Variants in FAAH2 observed in about 807,000 individuals in gnomAD.
FAAH2 encodes the protein fatty-acid amide hydrolase 2.
In FAAH2, 60 loss-of-function variants were observed where a neutral mutation model predicts 36.9. That is an observed-to-expected ratio of 1.63 (90% CI 1.32 to 2.02). The LOEUF (loss-of-function observed/expected upper bound fraction) is 2.02. Among genes scored for constraint, FAAH2 ranks in the 30% most tolerant of loss-of-function variants. The pLI is 0.00. For missense variants in FAAH2, 689 were observed against 397.5 expected (o/e 1.73, Z -6.23); for synonymous variants, 214 against 143.8 (o/e 1.49, Z -3.49).
At chrX:57,461,602 A>T (rs1004247239) in intron 10 of FAAH2, among the ~76,000 whole-genome samples, 8 of 111,599 alleles carry the variant, frequency 7.2e-5, no homozygotes, top group African/African-American at 2.6e-4. Flanking sequence ...TTTGAAACCA[A>T]TGAGAACCAA....
At position 57,292,597 on chromosome X, in the gene FAAH2, T is replaced by C. The variant is rs1364375184; in HGVS notation, c.275+17T>C. 8.5e-7 allele frequency: 1 copy of C among 1,171,106 alleles called. No homozygotes were observed. Among genetic ancestry groups the C allele is most frequent in the South Asian group, 1.9e-5 (1 of 53,737 alleles). On this transcript the variant is annotated intron_variant, in intron 2 of 10. Coordinates refer to ENST00000374900, the MANE Select transcript of FAAH2 (RefSeq NM_174912.4). ...CAAGTACAGGTGAGCATTTCCACTC[T>C]CTCAAGGAGTCATTTATGGTGGTTT...
In FAAH2 at chrX:57,431,787, G is replaced by GTTTTTTTTTTTTTTTTTT. The variant is rs58140227; in HGVS notation, c.997-123_997-122insTTTTTTTTTTTTTTTTTT. ...TGTTTTTTTGTTTTTTTGTTTTTTT[G>GTTTTTTTTTTTTTTTTTT]TTTTTTTTGGTGTTTCCATGGGGCA... On this transcript the variant is annotated intron_variant, in intron 7 of 10. Coordinates refer to ENST00000374900, the MANE Select transcript of FAAH2 (RefSeq NM_174912.4). 18 of 129,268 alleles carry GTTTTTTTTTTTTTTTTTT rather than the reference G, an allele frequency of 1.4e-4. 1 individual carries two copies. Among genetic ancestry groups the GTTTTTTTTTTTTTTTTTT allele is most frequent in the East Asian group, 2.5e-4 (1 of 3,993 alleles). 10.7% of individuals were successfully genotyped at this position (129,268 alleles called of 1,213,427 possible).
chrX:57,127,708 C>T, the FAAH2 span, among the ~76,000 whole-genome samples: 1 of 111,356 alleles, frequency 9.0e-6, no homozygotes, highest in South Asian at 3.7e-4. Context: ...AGACCTTTCT[C>T]TATCTCATTT....
At chrX:57,395,322 T>C in intron 7 of FAAH2, 1 of 662,980 alleles carries the variant, frequency 1.5e-6, no homozygotes, top group Non-Finnish European at 2.4e-6. Context: ...ACCAGGTACT[T>C]GTCCTTCAAC....
At chrX:57,452,075 G>A in intron 10 of FAAH2, 1 of 546,241 alleles carries the variant, frequency 1.8e-6, no homozygotes, top group East Asian at 1.8e-4. Flanking sequence ...ACAGATGGAA[G>A]GAAACAGCTT....
intron 3 of FAAH2, among the ~76,000 whole-genome samples, chrX:57,325,543 G>C (rs190135779): frequency 8.3e-4 from 91 of 109,911 alleles, no homozygotes; most frequent in Non-Finnish European, 7.6e-4. Flanking sequence ...TTCAGAGATT[G>C]AACTTCTTCC....
chrX:57,231,066 T>TGTGTGTGTGTGTGTGTGA, the FAAH2 span, among the ~76,000 whole-genome samples: 27 of 108,449 alleles, frequency 2.5e-4, no homozygotes, highest in African/African-American at 8.8e-4. Flanking sequence ...TGTGTGTGTG[T>TGTGTGTGTGTGTGTGTGA]GAGTGTGTGT....
chrX:57,422,257 A>G (rs758400500), intron 7 of FAAH2, among the ~76,000 whole-genome samples: 1 of 111,997 alleles, frequency 8.9e-6, no homozygotes, highest in East Asian at 2.8e-4. Flanking sequence ...CAGGCCAAAT[A>G]GGAGATATGT....
chrX:57,398,471 C>T (rs950958230), intron 7 of FAAH2, among the ~76,000 whole-genome samples: 2 of 111,798 alleles, frequency 1.8e-5, no homozygotes, highest in Admixed American at 9.4e-5. Context: ...TTTCTTCTCC[C>T]TCAGGAATGG....
At chrX:57,346,411 T>A (rs2053822883) in intron 5 of FAAH2, among the ~76,000 whole-genome samples, 1 of 111,988 alleles carries the variant, frequency 8.9e-6, no homozygotes, top group South Asian at 3.7e-4. Flanking sequence ...TGGTTTAAGA[T>A]CTGTTTTATC....
chrX:57,295,592 AGTGCTGGACAGTGG>A (rs2052116018), intron 2 of FAAH2, among the ~76,000 whole-genome samples: 1 of 111,591 alleles, frequency 9.0e-6, no homozygotes, highest in African/African-American at 3.3e-5. Flanking sequence ...CTCACTGGGG[AGTGCTGGACAGTGG>A]GTGCAGGACA....
At chrX:57,253,547 C>T in the FAAH2 span, among the ~76,000 whole-genome samples, 3 of 111,636 alleles carry the variant, frequency 2.7e-5, no homozygotes, top group Non-Finnish European at 3.8e-5. Context: ...CAAAAGGAAG[C>T]CCATCAAACG....
chrX:57,191,940 G>C, the FAAH2 span, among the ~76,000 whole-genome samples: 1 of 111,370 alleles, frequency 9.0e-6, no homozygotes, highest in Non-Finnish European at 1.9e-5. Context: ...TTTTTGCTTA[G>C]GATAGGCTAT....
At chrX:57,351,159 A>G (rs1278152323) in intron 5 of FAAH2, among the ~76,000 whole-genome samples, 2 of 111,737 alleles carry the variant, frequency 1.8e-5, no homozygotes, top group African/African-American at 6.5e-5. Flanking sequence ...ACCACAGTGG[A>G]ACACTACTAG....
rs752560147 is a variant in FAAH2, at chrX:57,403,869, G to A, written c.996+22840G>A. 5.3e-5 allele frequency among the ~76,000 whole-genome samples: 6 copies of A among 112,333 alleles called. No homozygotes were observed. The South Asian group carries it at 2.2e-3, about 41-fold the overall frequency. On this transcript the variant is annotated intron_variant, in intron 7 of 10. Transcript: ENST00000374900. ...CTGTTAGGAAATCTGCTGGGTTAAC[G>A]GAATTTTCTGTGGTTAATGTTAAAT...
chrX:57,330,010 C>A (rs2053353183), intron 3 of FAAH2, among the ~76,000 whole-genome samples: 1 of 111,394 alleles, frequency 9.0e-6, no homozygotes, highest in African/African-American at 3.3e-5. Flanking sequence ...GGATGTATGT[C>A]ACCTCAGGAC....
intron 2 of FAAH2, among the ~76,000 whole-genome samples, chrX:57,307,764 T>G (rs754846896): frequency 2.0e-4 from 22 of 110,634 alleles, no homozygotes; most frequent in South Asian, 1.9e-3. Context: ...TATCCAACAG[T>G]TTTTCAAAAC....
chrX:57,212,620 A>T, the FAAH2 span, among the ~76,000 whole-genome samples: 1 of 112,905 alleles, frequency 8.9e-6, no homozygotes, highest in Non-Finnish European at 1.9e-5. Context: ...CAGACGAAAG[A>T]ATCTCAGAAC....
intron 10 of FAAH2, among the ~76,000 whole-genome samples, chrX:57,455,283 A>T (rs1056368185): frequency 9.0e-6 from 1 of 111,405 alleles, no homozygotes; most frequent in African/African-American, 3.3e-5. Flanking sequence ...GACCACCCTT[A>T]CCCGAGTTCT....
Sources: allele counts gnomAD v4.1 joint callset (sites outside exome capture counted in the v4.1 genomes callset), GRCh38; gene constraint gnomAD v4.1.1; transcripts MANE v1.5; gene names NCBI Gene and HGNC (gene_info 2026-07-23, HGNC 2026-07-21).